TNS3: variants seen among roughly 807,000 people sequenced by gnomAD.
The protein encoded by TNS3 is tensin 3, also known as tensin-3.
Under a neutral mutation model 140.9 loss-of-function variants are expected in TNS3, and 45 were observed. The ratio of observed to expected loss-of-function variants is 0.32; its 90% CI spans 0.25 to 0.41. TNS3 has a LOEUF of 0.41. Among genes scored for constraint, TNS3 ranks in the 10% least tolerant of loss-of-function variants. The pLI is 1.00. For missense variants in TNS3, 1,716 were observed against 1,906.7 expected (o/e 0.90, Z 1.86); for synonymous variants, 815 against 788.4 (o/e 1.03, Z -0.56).
intron 3 of TNS3, among the ~76,000 whole-genome samples, chr7:47,499,824 C>A (rs1448529410): frequency 1.3e-5 from 2 of 152,100 alleles, no homozygotes; most frequent in Non-Finnish European, 2.9e-5. Context: ...ATGTACAACA[C>A]CCAGAGTGAG....
In TNS3 at chr7:47,458,368, G is replaced by A. The variant is rs114936807; in HGVS notation, c.-75-16313C>T. Among the ~76,000 whole-genome samples the A allele has an allele frequency of 9.4e-3, 1,437 of 152,312 alleles. 31 individuals carry two copies. The highest frequency in any genetic ancestry group is 0.033 in the African/African-American group (1,357 of 41,558). On this transcript the variant is annotated intron_variant, in intron 4 of 30. Coordinates refer to ENST00000311160, the MANE Select transcript of TNS3 (RefSeq NM_022748.12). ...CCCTTTTAAACATGGGGACAGATGT[G>A]TCCTCTAACCTCTGAGGCTTCCATC...
chr7:47,439,487 C>T lies in TNS3; in HGVS notation c.150G>A (p.Leu50=), dbSNP rs1795353317. ...MLKSKHGDNY[L]VLNLSEKRYD... ...GCTCCCAGAGCCGCCCACCGCTCAC[C>T]AGGTAGTTGTCCCCGTGCTTGGACT... The change falls in exon 6 of 31, where the codon CTG becomes CTA. Residue 50 remains leucine (L), a splice_region_variant and synonymous_variant. Coordinates refer to ENST00000311160, the MANE Select transcript of TNS3 (RefSeq NM_022748.12). 1 of 1,613,592 alleles carries T rather than the reference C, an allele frequency of 6.2e-7. No homozygotes were observed. The highest frequency in any genetic ancestry group is 8.5e-7 in the Non-Finnish European group (1 of 1,179,772).
chr7:47,291,896 T>A, intron 27 of TNS3, 59 bp downstream of exon 27: 3 of 1,558,624 alleles, frequency 1.9e-6, no homozygotes, highest in Non-Finnish European at 2.6e-6. Flanking sequence ...GGAAGTTGTG[T>A]CAGTGAGTCC....
chr7:47,521,829 G>T (rs575970711), intron 2 of TNS3, among the ~76,000 whole-genome samples: 1 of 152,082 alleles, frequency 6.6e-6, no homozygotes, highest in Non-Finnish European at 1.5e-5. Flanking sequence ...GGTTCTTCCC[G>T]CTGGATGGTT....
intron 30 of TNS3, chr7:47,278,425 G>A (rs1784971600): frequency 1.7e-6 from 1 of 592,120 alleles, no homozygotes; most frequent in Non-Finnish European, 2.9e-6. Flanking sequence ...TCTGACTCTA[G>A]CTCTGCAGTG....
chr7:47,429,898 G>C (rs960005610), intron 8 of TNS3, among the ~76,000 whole-genome samples: 1 of 152,062 alleles, frequency 6.6e-6, no homozygotes, highest in Non-Finnish European at 1.5e-5. Context: ...TACTCAATGC[G>C]GGCACTTGAT....
Position 47,400,741 on chromosome 7 carries a change from C to T in TNS3, c.853+44G>A, listed in dbSNP as rs777154813. ...GAAAGAATCAACCAAGGAGGTTCAA[C>T]CGCAGCTGCCCACAAGCACAGGGCC... On this transcript the variant is annotated intron_variant, in intron 14 of 30. Transcript: ENST00000311160. 4.4e-6 allele frequency: 7 copies of T among 1,604,890 alleles called. No individual in the cohort carries two copies. The African/African-American group carries it at 9.4e-5, about 21-fold the overall frequency.
At chr7:47,418,173 G>A (rs147758214) in intron 10 of TNS3, among the ~76,000 whole-genome samples, 9,276 of 152,210 alleles carry the variant, frequency 0.061, 619 homozygotes, top group African/African-American at 0.16. Context: ...ATGGTGGCAT[G>A]CGCCTGTAAT....
intron 20 of TNS3, among the ~76,000 whole-genome samples, chr7:47,322,213 CAAAA>C (rs759875153): frequency 2.0e-5 from 1 of 49,920 alleles, no homozygotes; most frequent in African/African-American, 7.8e-5. Context: ...GTAGAACGGG[CAAAA>C]AAAAAAAAAA....
chr7:47,341,703 C>T (rs1258402583), intron 20 of TNS3, among the ~76,000 whole-genome samples: 1 of 151,890 alleles, frequency 6.6e-6, no homozygotes, highest in African/African-American at 2.4e-5. Context: ...TATTACTTCT[C>T]TGTATCTTTT....
intron 27 of TNS3, among the ~76,000 whole-genome samples, chr7:47,290,471 A>C (rs1369594360): frequency 6.6e-6 from 1 of 152,234 alleles, no homozygotes; most frequent in Non-Finnish European, 1.5e-5. Flanking sequence ...ACTAGTGTCT[A>C]AAATACACCA....
At chr7:47,386,760 G>A (rs952490786) in intron 16 of TNS3, among the ~76,000 whole-genome samples, 13 of 152,190 alleles carry the variant, frequency 8.5e-5, no homozygotes, top group African/African-American at 2.4e-4. Context: ...TGCTCCTATC[G>A]GCAAGATAAA....
chr7:47,458,634 C>T (rs1796356314), intron 4 of TNS3, among the ~76,000 whole-genome samples: 1 of 152,246 alleles, frequency 6.6e-6, no homozygotes, highest in Non-Finnish European at 1.5e-5. Context: ...AAGCCAACCA[C>T]AGACGAAGCC....
chr7:47,298,659 G>A (rs6463410), intron 23 of TNS3, among the ~76,000 whole-genome samples: 15,861 of 152,278 alleles, frequency 0.1, 1,016 homozygotes, highest in African/African-American at 0.17. Flanking sequence ...ACATGAACCA[G>A]TAAGTGCTGG....
intron 4 of TNS3, among the ~76,000 whole-genome samples, chr7:47,465,376 G>A (rs1393000633): frequency 1.3e-5 from 2 of 152,136 alleles, no homozygotes; most frequent in Non-Finnish European, 2.9e-5. Context: ...GGGAAACACT[G>A]GTGTGTCATA....
intron 8 of TNS3, among the ~76,000 whole-genome samples, chr7:47,434,272 A>C (rs989521187): frequency 6.7e-6 from 1 of 149,458 alleles, no homozygotes; most frequent in African/African-American, 2.4e-5. Flanking sequence ...AATACAATGG[A>C]TTTCTGTGCA....
chr7:47,506,207 C>T (rs571312440), intron 3 of TNS3, among the ~76,000 whole-genome samples: 7 of 152,290 alleles, frequency 4.6e-5, no homozygotes, highest in South Asian at 2.1e-4. Context: ...TTGGGGATTC[C>T]GTAAGTACAG....
At chr7:47,356,395 T>A (rs559210923) in intron 17 of TNS3, among the ~76,000 whole-genome samples, 4 of 152,264 alleles carry the variant, frequency 2.6e-5, no homozygotes, top group African/African-American at 9.6e-5. Context: ...TAGCACTGCA[T>A]TATTTGGGGA....
chr7:47,347,488 C>A (rs866801841), intron 17 of TNS3, among the ~76,000 whole-genome samples: 4 of 151,998 alleles, frequency 2.6e-5, no homozygotes, highest in Admixed American at 2.6e-4. Flanking sequence ...GCAGCAGGAC[C>A]GCTGTAAGGT....
Sources: gnomAD v4.1 joint callset for allele counts (sites outside exome capture counted in the v4.1 genomes callset) on GRCh38, gnomAD v4.1.1 for gene constraint, MANE v1.5 for transcripts, NCBI Gene and HGNC (gene_info 2026-07-23, HGNC 2026-07-21) for gene names.